Variants in LRCH1 observed in about 807,000 individuals in gnomAD.
LRCH1 encodes the protein leucine-rich repeat and calponin homology domain-containing protein 1.
Under a neutral mutation model 94.9 loss-of-function variants are expected in LRCH1, and 23 were observed. That is an observed-to-expected ratio of 0.24 (90% CI 0.17 to 0.34). The LOEUF (loss-of-function observed/expected upper bound fraction) is 0.34, where lower values mean the gene tolerates loss of function less well. LRCH1 is among the 10% of genes least tolerant of loss of function. The pLI, the probability that LRCH1 is intolerant of heterozygous loss-of-function variation, is 1.00. For missense variants in LRCH1, 790 were observed against 945.9 expected, an observed-to-expected ratio of 0.84 and a Z score of 2.16; for synonymous variants, 364 against 354.9, an observed-to-expected ratio of 1.03 and a Z score of -0.29.
At chr13:46,647,071 C>A (rs1169716678) in intron 1 of LRCH1, among the ~76,000 whole-genome samples, 8 of 150,412 alleles carry the variant, frequency 5.3e-5, no homozygotes, top group Non-Finnish European at 8.8e-5. Flanking sequence ...TGAGATCACA[C>A]CACTGCACTC....
chr13:46,683,777 T>C (rs1870460896), intron 4 of LRCH1, among the ~76,000 whole-genome samples: 1 of 152,242 alleles, frequency 6.6e-6, no homozygotes, highest in Non-Finnish European at 1.5e-5. Flanking sequence ...AAAGATCAGT[T>C]ATTCCATAAT....
chr13:46,617,936 C>T (rs79917959), intron 1 of LRCH1, among the ~76,000 whole-genome samples: 2 of 152,102 alleles, frequency 1.3e-5, no homozygotes, highest in Non-Finnish European at 2.9e-5. Flanking sequence ...GATACTAGGA[C>T]AGTGAGATAA....
intron 16 of LRCH1, among the ~76,000 whole-genome samples, chr13:46,722,467 C>G (rs1872625979): frequency 6.6e-6 from 1 of 152,218 alleles, no homozygotes; most frequent in East Asian, 1.9e-4. Flanking sequence ...ACATTATTTA[C>G]CTTCTTGATT....
At chr13:46,700,578 A>G (rs546042228) in intron 10 of LRCH1, among the ~76,000 whole-genome samples, 2 of 152,216 alleles carry the variant, frequency 1.3e-5, no homozygotes, top group South Asian at 2.1e-4. Context: ...GTAGAGCTTT[A>G]TAAAATGCTG....
intron 1 of LRCH1, among the ~76,000 whole-genome samples, chr13:46,620,616 G>A (rs1335565443): frequency 6.6e-6 from 1 of 152,168 alleles, no homozygotes; most frequent in East Asian, 1.9e-4. Context: ...GTGGTGAAGG[G>A]CCCTGGCTAT....
intron 3 of LRCH1, among the ~76,000 whole-genome samples, chr13:46,674,832 G>A (rs2051649017): frequency 6.6e-6 from 1 of 152,144 alleles, no homozygotes; most frequent in South Asian, 2.1e-4. Flanking sequence ...GGTAGAGCTG[G>A]AGTCAAAACC....
At chr13:46,748,302 CTT>C (rs936394108), downstream of LRCH1, among the ~76,000 whole-genome samples, 2 of 149,582 alleles carry the variant, frequency 1.3e-5, no homozygotes, top group Admixed American at 6.6e-5. Context: ...ATGTTCAACT[CTT>C]TATTTGATTT....
chr13:46,747,374 A>G (rs1873950781), downstream of LRCH1, among the ~76,000 whole-genome samples: 2 of 152,146 alleles, frequency 1.3e-5, no homozygotes, highest in Non-Finnish European at 2.9e-5. Context: ...TTTCCCTCGC[A>G]TGCCCTTCAG....
rs771395241 is a variant in LRCH1 at position 46,728,951 on chromosome 13, G to A, written c.1974G>A (p.Ser658=). 2.1e-5 allele frequency: 34 copies of A among 1,613,116 alleles called. No homozygotes were observed. Among genetic ancestry groups the A allele is most frequent in the African/African-American group, 1.1e-4 (8 of 74,906 alleles). The change falls in exon 18 of 20, where the codon TCG becomes TCA. Residue 658 remains serine (S), a synonymous_variant. Transcript: ENST00000389797. ...TGGTCAACCACATCCGCCCACGGTC[G>A]GTTGCAAGCATCCATGTCCCATCAC... The part of the protein sequence containing the change: ...CHLVNHIRPR[S]VASIHVPSPA...
At chr13:46,591,277 C>G (rs1334584942) in intron 1 of LRCH1, among the ~76,000 whole-genome samples, 1 of 152,032 alleles carries the variant, frequency 6.6e-6, no homozygotes, top group Non-Finnish European at 1.5e-5. Context: ...TTTTAGGGTC[C>G]CTTGATAAGC....
intron 16 of LRCH1, among the ~76,000 whole-genome samples, chr13:46,716,427 T>C (rs1314668940): frequency 1.3e-5 from 2 of 152,238 alleles, no homozygotes; most frequent in African/African-American, 2.4e-5. Context: ...TCCTAGTCTC[T>C]GAAATATTCA....
chr13:46,553,793 T>G, intron 1 of LRCH1, 90 bp downstream of exon 1: 1 of 1,552,636 alleles, frequency 6.4e-7, no homozygotes, highest in Non-Finnish European at 8.7e-7. Context: ...TCGGAGATCT[T>G]GTCTTGCTGG....
intron 8 of LRCH1, among the ~76,000 whole-genome samples, chr13:46,694,231 G>A (rs1871059614): frequency 6.6e-6 from 1 of 152,126 alleles, no homozygotes; most frequent in Admixed American, 6.5e-5. Context: ...GTGTTTAAAG[G>A]GTGGCCCAGT....
intron 1 of LRCH1, among the ~76,000 whole-genome samples, chr13:46,557,092 G>C (rs150717417): frequency 6.6e-6 from 1 of 151,898 alleles, no homozygotes; most frequent in African/African-American, 2.4e-5. Context: ...ATGATGACTA[G>C]TAATACATAT....
intron 1 of LRCH1, among the ~76,000 whole-genome samples, chr13:46,555,186 C>A (rs1475869505): frequency 6.6e-6 from 1 of 152,148 alleles, no homozygotes; most frequent in African/African-American, 2.4e-5. Context: ...TCAATAAGAC[C>A]TCTTAGTTAC....
intron 19 of LRCH1, among the ~76,000 whole-genome samples, chr13:46,735,899 C>T (rs1177996711): frequency 2.0e-5 from 3 of 150,266 alleles, no homozygotes; most frequent in Admixed American, 6.7e-5. Flanking sequence ...CGGGTTCAAG[C>T]GATTCTCTTG....
At chr13:46,694,615 C>G (rs1871079916) in intron 8 of LRCH1, among the ~76,000 whole-genome samples, 1 of 152,122 alleles carries the variant, frequency 6.6e-6, no homozygotes, top group Admixed American at 6.5e-5. Flanking sequence ...ACTTTCTTTT[C>G]TCCATTCCTT....
intron 1 of LRCH1, among the ~76,000 whole-genome samples, chr13:46,594,972 AGT>A (rs1254586055): frequency 6.6e-6 from 1 of 152,192 alleles, no homozygotes; most frequent in Non-Finnish European, 1.5e-5. Context: ...TCATCTAAAG[AGT>A]GTGGCAGCTA....
At chr13:46,664,487 G>A (rs2138107395) in intron 2 of LRCH1, among the ~76,000 whole-genome samples, 1 of 152,320 alleles carries the variant, frequency 6.6e-6, no homozygotes, top group East Asian at 1.9e-4. Context: ...GTGTTGTACA[G>A]GTTTGTAGCC....
Sources: allele counts gnomAD v4.1 joint callset (sites outside exome capture counted in the v4.1 genomes callset), GRCh38; gene constraint gnomAD v4.1.1; transcripts MANE v1.5; gene names NCBI Gene and HGNC (gene_info 2026-07-23, HGNC 2026-07-21).